Variants in KLF8 observed in about 807,000 individuals in gnomAD.
KLF8 encodes the protein KLF transcription factor 8, also known as Krueppel-like factor 8.
In KLF8, 10 loss-of-function variants were observed where a neutral mutation model predicts 18.2. The observed-to-expected ratio is 0.55, with a 90% CI of 0.34 to 0.93. The LOEUF is 0.93. KLF8 is among the 40% of genes least tolerant of loss of function. The pLI is 0.02. For synonymous variants in KLF8, 109 were observed against 97.3 expected (o/e 1.12, Z -0.71); for missense variants, 264 against 277.9 (o/e 0.95, Z 0.36).
chrX:56,183,418 C>T, the KLF8 span, among the ~76,000 whole-genome samples: 3 of 112,041 alleles, frequency 2.7e-5, no homozygotes, highest in African/African-American at 9.7e-5. Flanking sequence ...TTTCACTTCC[C>T]TGGTGAGGCG....
At chrX:55,915,343 T>C in the KLF8 span, among the ~76,000 whole-genome samples, 1 of 111,726 alleles carries the variant, frequency 9.0e-6, no homozygotes, top group African/African-American at 3.3e-5. Context: ...AATCTACATT[T>C]TTAATCATTA....
At chrX:56,207,983 C>T in the KLF8 span, among the ~76,000 whole-genome samples, 4 of 111,003 alleles carry the variant, frequency 3.6e-5, no homozygotes, top group African/African-American at 9.8e-5. Context: ...CGTCTTACAT[C>T]GTGGTAGGCA....
the KLF8 span, among the ~76,000 whole-genome samples, chrX:56,162,482 C>A: frequency 4.5e-5 from 5 of 111,936 alleles, no homozygotes; most frequent in African/African-American, 1.3e-4. Context: ...GAACCCCTCC[C>A]CCAGCCTCTC....
At chrX:55,947,706 TGA>T in the KLF8 span, among the ~76,000 whole-genome samples, 1 of 111,685 alleles carries the variant, frequency 9.0e-6, no homozygotes, top group Admixed American at 9.5e-5. Context: ...TCTTTTTCTT[TGA>T]GTTTTGTGCC....
chrX:56,226,216 A>T, the KLF8 span, among the ~76,000 whole-genome samples: 1 of 112,196 alleles, frequency 8.9e-6, no homozygotes. Context: ...CTCTAGATCT[A>T]GGTGTCTAAA....
chrX:56,055,674 A>C, the KLF8 span, among the ~76,000 whole-genome samples: 1 of 111,044 alleles, frequency 9.0e-6, no homozygotes, highest in Non-Finnish European at 1.9e-5. Context: ...AGTTGTTTAC[A>C]CTCTCTCCAT....
At chrX:56,200,576 G>C in the KLF8 span, among the ~76,000 whole-genome samples, 2 of 109,432 alleles carry the variant, frequency 1.8e-5, no homozygotes, top group Non-Finnish European at 3.8e-5. Context: ...TTTTATAGAT[G>C]TAAAACCAAA....
chrX:56,125,762 C>T, the KLF8 span, among the ~76,000 whole-genome samples: 3 of 111,498 alleles, frequency 2.7e-5, no homozygotes, highest in African/African-American at 3.3e-5. Context: ...AAATACATAA[C>T]GGGTTTAGGG....
the KLF8 span, among the ~76,000 whole-genome samples, chrX:56,080,491 G>T: frequency 1.8e-5 from 2 of 111,103 alleles, no homozygotes; most frequent in South Asian, 7.6e-4. Context: ...TTCTCTTCTG[G>T]CTTCTAGGGT....
chrX:55,995,657 T>C, the KLF8 span, among the ~76,000 whole-genome samples: 1 of 112,304 alleles, frequency 8.9e-6, no homozygotes, highest in Non-Finnish European at 1.9e-5. Context: ...TGGCAGGATA[T>C]GCAATTCTTA....
chrX:56,157,431 T>C, the KLF8 span, among the ~76,000 whole-genome samples: 2 of 110,800 alleles, frequency 1.8e-5, no homozygotes, highest in Admixed American at 1.9e-4. Flanking sequence ...GGTCAAATAG[T>C]ATTTCTAGTT....
the KLF8 span, among the ~76,000 whole-genome samples, chrX:56,056,168 T>A: frequency 4.5e-5 from 5 of 111,843 alleles, no homozygotes; most frequent in South Asian, 7.4e-4. Flanking sequence ...GTTCTTGTGT[T>A]GGTTTTCTCA....
chrX:55,959,878 G>C, the KLF8 span, among the ~76,000 whole-genome samples: 1 of 92,476 alleles, frequency 1.1e-5, no homozygotes, highest in South Asian at 4.1e-4. Context: ...GCAAATTTAG[G>C]AAAATGCAAA....
chrX:56,184,645 C>T, the KLF8 span, among the ~76,000 whole-genome samples: 1 of 111,685 alleles, frequency 9.0e-6, no homozygotes, highest in African/African-American at 3.3e-5. Flanking sequence ...AGACTGACAC[C>T]TCACACGGCC....
chrX:56,092,942 GA>G, the KLF8 span, among the ~76,000 whole-genome samples: 1 of 100,993 alleles, frequency 9.9e-6, no homozygotes, highest in African/African-American at 3.5e-5. Flanking sequence ...AAACAGCTGA[GA>G]AAAAAAATCA....
the KLF8 span, among the ~76,000 whole-genome samples, chrX:56,047,164 C>T: frequency 1.8e-5 from 2 of 110,363 alleles, no homozygotes; most frequent in African/African-American, 6.6e-5. Context: ...TGAGACTTTC[C>T]AGTACATTTT....
At chrX:56,263,282 A>G (rs1329515869) in intron 2 of KLF8, among the ~76,000 whole-genome samples, 1 of 112,001 alleles carries the variant, frequency 8.9e-6, no homozygotes, top group Non-Finnish European at 1.9e-5. Flanking sequence ...GACAAATCAC[A>G]GAAATCATGT....
chrX:56,063,328 C>G, the KLF8 span, among the ~76,000 whole-genome samples: 13 of 111,134 alleles, frequency 1.2e-4, no homozygotes, highest in Admixed American at 5.7e-4. Context: ...CTTTAGTGTT[C>G]GTGACCTTCA....
chrX:56,055,607 C>T, the KLF8 span, among the ~76,000 whole-genome samples: 3 of 111,860 alleles, frequency 2.7e-5, no homozygotes, highest in South Asian at 1.1e-3. Context: ...TGCGTTTTGG[C>T]CTCTCTAGCT....
Sources: gnomAD v4.1 joint callset for allele counts (sites outside exome capture counted in the v4.1 genomes callset) on GRCh38, gnomAD v4.1.1 for gene constraint, MANE v1.5 for transcripts, NCBI Gene and HGNC (gene_info 2026-07-23, HGNC 2026-07-21) for gene names.